Variants in CDH4 observed in about 807,000 individuals in gnomAD.
The protein encoded by CDH4 is cadherin 4.
In CDH4, 33 loss-of-function variants were observed where a neutral mutation model predicts 86.0. The observed-to-expected ratio is 0.38, with a 90% confidence interval of 0.29 to 0.51. The LOEUF is 0.51. Among genes scored for constraint, CDH4 ranks in the 20% least tolerant of loss-of-function variants. The pLI is 0.86. For missense variants in CDH4, 1,114 were observed against 1,307.4 expected, an observed-to-expected ratio of 0.85 and a Z score of 2.28; for synonymous variants, 555 against 549.4, an observed-to-expected ratio of 1.01 and a Z score of -0.14.
chr20:61,380,510 A>C (rs1167266772), intron 2 of CDH4, among the ~76,000 whole-genome samples: 2 of 150,384 alleles, frequency 1.3e-5, no homozygotes, highest in Non-Finnish European at 1.5e-5. Flanking sequence ...CCCACCAACA[A>C]CACCATCCTA....
intron 2 of CDH4, among the ~76,000 whole-genome samples, chr20:61,309,304 C>T (rs1199499341): frequency 6.6e-6 from 1 of 152,040 alleles, no homozygotes; most frequent in East Asian, 1.9e-4. Context: ...GATGGGGGCG[C>T]CTCACTGTGA....
chr20:61,615,770 G>C (rs765742352), intron 2 of CDH4, among the ~76,000 whole-genome samples: 6 of 152,222 alleles, frequency 3.9e-5, no homozygotes, highest in Non-Finnish European at 8.8e-5. Context: ...ATAAAAGTGA[G>C]GGTAACTGAA....
At chr20:61,306,994 A>C (rs1413522220) in intron 2 of CDH4, among the ~76,000 whole-genome samples, 1 of 152,150 alleles carries the variant, frequency 6.6e-6, no homozygotes, top group Non-Finnish European at 1.5e-5. Context: ...TCAGGTTCTT[A>C]ACTTTGCCAT....
At chr20:61,453,001 G>C (rs1387844454) in intron 2 of CDH4, among the ~76,000 whole-genome samples, 1 of 152,172 alleles carries the variant, frequency 6.6e-6, no homozygotes, top group Non-Finnish European at 1.5e-5. Context: ...AACTAGTGAT[G>C]TGTCTTCTCC....
chr20:61,425,674 C>A (rs2145508748), intron 2 of CDH4, among the ~76,000 whole-genome samples: 1 of 152,324 alleles, frequency 6.6e-6, no homozygotes, highest in East Asian at 1.9e-4. Flanking sequence ...AGGACATTCT[C>A]GAGGGCCCTG....
At chr20:61,509,695 G>A (rs2085766216) in intron 2 of CDH4, among the ~76,000 whole-genome samples, 1 of 152,000 alleles carries the variant, frequency 6.6e-6, no homozygotes, top group Non-Finnish European at 1.5e-5. Flanking sequence ...GACAGGAGTG[G>A]CAGAGTCCAC....
chr20:61,359,775 G>C (rs1025006632), intron 2 of CDH4, among the ~76,000 whole-genome samples: 2 of 152,222 alleles, frequency 1.3e-5, no homozygotes, highest in African/African-American at 2.4e-5. Flanking sequence ...GCCAGGCTGT[G>C]GGGGAGAGAA....
intron 4 of CDH4, among the ~76,000 whole-genome samples, chr20:61,816,012 A>G (rs1323961510): frequency 6.6e-6 from 1 of 152,158 alleles, no homozygotes; most frequent in Non-Finnish European, 1.5e-5. Context: ...AGTCGCATAA[A>G]CCCAGGGAAG....
chr20:61,436,469 A>T (rs1244837041), intron 2 of CDH4: 2 of 152,160 alleles, frequency 1.3e-5, no homozygotes, highest in Non-Finnish European at 2.9e-5. Flanking sequence ...TGACTCACAG[A>T]ACTCAGTTAC....
At chr20:61,772,508 C>T (rs2088786607) in intron 3 of CDH4, among the ~76,000 whole-genome samples, 1 of 152,152 alleles carries the variant, frequency 6.6e-6, no homozygotes, top group South Asian at 2.1e-4. Flanking sequence ...AAACAACATT[C>T]CATTTGATTT....
intron 2 of CDH4, among the ~76,000 whole-genome samples, chr20:61,255,844 T>C (rs2084095210): frequency 6.6e-6 from 1 of 152,194 alleles, no homozygotes. Flanking sequence ...AGTGAAGTGA[T>C]TTTTCAGATC....
intron 2 of CDH4, among the ~76,000 whole-genome samples, chr20:61,664,428 C>T (rs1050482502): frequency 1.3e-5 from 2 of 152,190 alleles, no homozygotes; most frequent in African/African-American, 4.8e-5. Context: ...AGCTGGTCCC[C>T]ACTCCTGTGT....
intron 2 of CDH4, among the ~76,000 whole-genome samples, chr20:61,571,413 C>T (rs892443744): frequency 6.6e-6 from 1 of 152,194 alleles, no homozygotes; most frequent in Non-Finnish European, 1.5e-5. Context: ...CAGAGGGTAC[C>T]TGGGCTGTAG....
At chr20:61,279,238 A>T (rs1324147192) in intron 2 of CDH4, among the ~76,000 whole-genome samples, 3 of 152,198 alleles carry the variant, frequency 2.0e-5, no homozygotes, top group African/African-American at 7.2e-5. Flanking sequence ...CGAGGCACTC[A>T]TGCTGTCTAC....
chr20:61,666,899 G>A (rs2087331413), intron 2 of CDH4, among the ~76,000 whole-genome samples: 1 of 152,222 alleles, frequency 6.6e-6, no homozygotes, highest in African/African-American at 2.4e-5. Flanking sequence ...GGTTACACTT[G>A]CCAGGGTGGG....
intron 2 of CDH4, among the ~76,000 whole-genome samples, chr20:61,256,074 C>CT (rs1424770235): frequency 6.6e-6 from 1 of 152,158 alleles, no homozygotes; most frequent in East Asian, 1.9e-4. Context: ...TAGTAAAGAG[C>CT]TTTCAAGAGC....
chr20:61,390,526 G>A (rs28603227), intron 2 of CDH4, among the ~76,000 whole-genome samples: 8 of 128,006 alleles, frequency 6.2e-5, no homozygotes, highest in Admixed American at 3.2e-4. Flanking sequence ...GAGATCGTAC[G>A]GTCATAGGGT....
intron 2 of CDH4, among the ~76,000 whole-genome samples, chr20:61,580,744 G>A (rs1297027566): frequency 1.3e-5 from 2 of 152,286 alleles, no homozygotes; most frequent in South Asian, 2.1e-4. Flanking sequence ...GGTGACAGGC[G>A]TTGGGCGCAC....
intron 6 of CDH4, among the ~76,000 whole-genome samples, chr20:61,872,597 G>A (rs1461581935): frequency 6.6e-6 from 1 of 152,138 alleles, no homozygotes; most frequent in African/African-American, 2.4e-5. Context: ...CAGGGCACCA[G>A]CAGCTCTCCT....
Sources: allele counts gnomAD v4.1 joint callset (sites outside exome capture counted in the v4.1 genomes callset), GRCh38; gene constraint gnomAD v4.1.1; transcripts MANE v1.5; gene names NCBI Gene and HGNC (gene_info 2026-07-23, HGNC 2026-07-21).